The following PTPRU variants were observed in gnomAD, a reference collection of about 807,000 sequenced individuals.
PTPRU encodes protein tyrosine phosphatase receptor type U, also known as receptor-type tyrosine-protein phosphatase U.
Under a neutral mutation model 166.3 loss-of-function variants are expected in PTPRU, and 69 were observed. That is an observed-to-expected ratio of 0.41 (90% CI 0.34 to 0.51). The LOEUF (loss-of-function observed/expected upper bound fraction) is 0.51. PTPRU is among the 20% of genes least tolerant of loss of function. PTPRU has a pLI of 0.09. For synonymous variants in PTPRU, 793 were observed against 814.0 expected, an observed-to-expected ratio of 0.97 and a Z score of 0.44; for missense variants, 1,657 against 2,013.7, an observed-to-expected ratio of 0.82 and a Z score of 3.39.
rs747750799 is a variant in PTPRU at position 29,279,016 on chromosome 1, C to T, written c.1458C>T (p.Pro486=). The part of the protein sequence containing the change: ...EVTFQTDEDV[P]SGIAAESLTF... ...CCTGCTGCCTTTCCCTTGCAGTGCC[C>T]AGTGGGATTGCAGCCGAGTCCCTGA... The change falls in exon 9 of 30, where the codon CCC becomes CCT. Residue 486 remains proline (P), a synonymous_variant. Transcript: ENST00000373779. The surrounding 1 kb of genome is among the most constrained non-coding windows in gnomAD (Gnocchi z 5.2). 3 of 1,581,024 alleles carry T rather than the reference C, an allele frequency of 1.9e-6. No homozygotes were observed. The highest frequency in any genetic ancestry group is 2.6e-6 in the Non-Finnish European group (3 of 1,162,954).
chr1:29,246,733 C>T (rs560217894), intron 1 of PTPRU, among the ~76,000 whole-genome samples: 17 of 152,104 alleles, frequency 1.1e-4, no homozygotes, highest in Middle Eastern at 3.4e-3. Context: ...CTCCTGCCTC[C>T]GCCTCCTGAG....
chr1:29,317,984 AG>A lies in PTPRU; in HGVS notation c.3687+67del. 1.3e-6 allele frequency: 2 copies of A among 1,577,212 alleles called. No individual in the cohort carries two copies. Reference sequence around the variant, plus strand: ...TTCCCAGCAGCATCAGGGAAGGTCCAGGGGCCACGGGAACAAAGCTGAAGGC... The same window carrying A: ...TTCCCAGCAGCATCAGGGAAGGTCCAGGGCCACGGGAACAAAGCTGAAGGC... On this transcript the variant is annotated intron_variant, in intron 25 of 29. Coordinates refer to ENST00000373779, the MANE Select transcript of PTPRU (RefSeq NM_133178.4). The surrounding 1 kb of genome is among the most constrained non-coding windows in gnomAD (Gnocchi z 5.6).
chr1:29,260,329 C>A lies in PTPRU; in HGVS notation c.851-281C>A. On this transcript the variant is annotated intron_variant, in intron 6 of 29. Coordinates refer to ENST00000373779, the MANE Select transcript of PTPRU (RefSeq NM_133178.4). The surrounding 1 kb of genome is among the most constrained non-coding windows in gnomAD (Gnocchi z 8.3). ...GACTTCTGTGTTGATCCTAGCTGGC[C>A]TGCGGTCCGCTCCAGGAGGCGAGGA... 1 of 470,992 alleles carries A rather than the reference C, an allele frequency of 2.1e-6. No homozygotes were observed. Among genetic ancestry groups the A allele is most frequent in the Non-Finnish European group, 3.6e-6 (1 of 274,290 alleles). The allele number at this position is 470,992 out of a possible 1,614,324, so 29.2% of individuals were successfully genotyped here. A position where few individuals can be genotyped will look rare whatever the true frequency, so the allele number is the denominator to read the frequency against.
At chr1:29,273,745 A>G (rs1479044835) in intron 7 of PTPRU, among the ~76,000 whole-genome samples, 1 of 152,144 alleles carries the variant, frequency 6.6e-6, no homozygotes, top group Non-Finnish European at 1.5e-5. Flanking sequence ...TCTGGTCCAT[A>G]GAGTCATCAA....
In PTPRU at chr1:29,326,002, C is replaced by T. The variant is rs1295817845; in HGVS notation, c.*341C>T. 4.7e-6 allele frequency: 2 copies of T among 424,460 alleles called. No individual in the cohort carries two copies. Among genetic ancestry groups the T allele is most frequent in the Non-Finnish European group, 8.2e-6 (2 of 243,574 alleles). 26.3% of individuals were successfully genotyped at this position (424,460 alleles called of 1,614,324 possible). On this transcript the variant is annotated 3_prime_UTR_variant, in exon 30 of 30. Transcript: ENST00000373779. ...GGGACTCAGGCCAAGCCCCTTGGCA[C>T]CATCCTGGCTTTTGGCAGGGATGAG... is the stretch of plus-strand genomic sequence containing the variant.
At chr1:29,282,107 C>G (rs1367390482) in intron 11 of PTPRU, among the ~76,000 whole-genome samples, 1 of 152,160 alleles carries the variant, frequency 6.6e-6, no homozygotes, top group African/African-American at 2.4e-5. Flanking sequence ...GTTGGGTGTC[C>G]TTGTTTGCTA....
intron 17 of PTPRU, 91 bp downstream of exon 17, chr1:29,304,940 A>G: frequency 8.0e-7 from 1 of 1,244,304 alleles, no homozygotes; most frequent in South Asian, 1.4e-5. Context: ...GGGCAGCCTC[A>G]GAGATGATAG....
At position 29,315,211 on chromosome 1, in the gene PTPRU, G is replaced by T. The variant is rs1687842662; in HGVS notation, c.3228-161G>T. Among the ~76,000 whole-genome samples, 1 of 152,016 alleles carries T rather than the reference G, an allele frequency of 6.6e-6. No individual in the cohort carries two copies. The highest frequency in any genetic ancestry group is 1.5e-5 in the Non-Finnish European group (1 of 68,022). ...CATTTCACTAGAGCTCTTCCATCCA[G>T]CAGCCTGCGTCCTGGCTCCTTACTC... is the stretch of plus-strand genomic sequence containing the variant. On this transcript the variant is annotated intron_variant, in intron 22 of 29. Transcript: ENST00000373779. This position sits in a 1 kb window ranked among gnomAD's most constrained non-coding sequence, Gnocchi z 4.5.
At chr1:29,299,516 C>T (rs1161643649) in intron 15 of PTPRU, among the ~76,000 whole-genome samples, 2 of 152,162 alleles carry the variant, frequency 1.3e-5, no homozygotes, top group South Asian at 2.1e-4. Flanking sequence ...ATTTGTAGAA[C>T]ATCTTGTGTT....
At position 29,279,986 on chromosome 1, in the gene PTPRU, T is replaced by A; in HGVS notation, c.1766-53T>A. On this transcript the variant is annotated intron_variant, in intron 10 of 29. Coordinates refer to ENST00000373779, the MANE Select transcript of PTPRU (RefSeq NM_133178.4). This position sits in a 1 kb window ranked among gnomAD's most constrained non-coding sequence, Gnocchi z 5.2. The stretch of plus-strand genomic sequence containing the variant: ...GTGGTCAAGGAGGCTGGAAGCCTGG[T>A]CTTCCTGGTCCAGTGGCCAAGCTCC... 6.6e-7 allele frequency: 1 copy of A among 1,521,452 alleles called. No homozygotes were observed. The highest frequency in any genetic ancestry group is 9.1e-7 in the Non-Finnish European group (1 of 1,098,714). The allele number at this position is 1,521,452 out of a possible 1,614,324, so 94.2% of individuals were successfully genotyped here.
At chr1:29,318,606 C>A (rs949857335) in intron 25 of PTPRU, among the ~76,000 whole-genome samples, 3 of 152,218 alleles carry the variant, frequency 2.0e-5, no homozygotes, top group Non-Finnish European at 2.9e-5. Context: ...GGGTGGAGAT[C>A]ATATGTTATA....
rs761315904 is a variant in PTPRU at position 29,259,462 on chromosome 1, C to T, written c.573C>T (p.His191=). The T allele has an allele frequency of 2.5e-6, 4 of 1,611,586 alleles. No homozygotes were observed. The highest frequency in any genetic ancestry group is 3.4e-6 in the Non-Finnish European group (4 of 1,178,560). The change falls in exon 5 of 30, where the codon CAC becomes CAT. Residue 191 remains histidine, a synonymous_variant. Coordinates refer to ENST00000373779, the MANE Select transcript of PTPRU (RefSeq NM_133178.4). ...CTAACCCCGCAGCAAAGGCCCCACACTTCTCCCGCCTGGGCGACGTGGAGG... is the reference window on the plus strand; with the variant it reads ...CTAACCCCGCAGCAAAGGCCCCACATTTCTCCCGCCTGGGCGACGTGGAGG... The part of the protein sequence containing the change: ...LLSYPCAKAP[H]FSRLGDVEVN...
At chr1:29,277,876 T>C (rs944951237) in intron 8 of PTPRU, among the ~76,000 whole-genome samples, 8 of 130,514 alleles carry the variant, frequency 6.1e-5, no homozygotes, top group Middle Eastern at 9.8e-3. Context: ...TGGAGAGCAG[T>C]GGTGCAATCT....
chr1:29,310,638 C>T (rs1687610640), intron 18 of PTPRU, 106 bp from the exon 19 acceptor site: 7 of 1,232,680 alleles, frequency 5.7e-6, no homozygotes, highest in Middle Eastern at 1.9e-4. Flanking sequence ...GGAGCAGTTC[C>T]CTGGTGGGGT....
At position 29,289,759 on chromosome 1, in the gene PTPRU, G is replaced by A. The variant is rs369102650; in HGVS notation, c.2319-2110G>A. ...GGGAGTCCCCGGCCCTGCCTAGGGGGAGATCCCCTGTCCCCGCCTTCTCTG... is the reference window on the plus strand; with the variant it reads ...GGGAGTCCCCGGCCCTGCCTAGGGGAAGATCCCCTGTCCCCGCCTTCTCTG... On this transcript the variant is annotated intron_variant, in intron 14 of 29. Transcript: ENST00000373779. 6.1e-5 allele frequency: 97 copies of A among 1,598,480 alleles called. 1 individual carries two copies. The South Asian group carries it at 1.0e-3, about 17-fold the overall frequency.
In PTPRU at chr1:29,315,824, G is replaced by C. The variant is rs147249274; in HGVS notation, c.3364-178G>C. On this transcript the variant is annotated intron_variant, in intron 23 of 29. Coordinates refer to ENST00000373779, the MANE Select transcript of PTPRU (RefSeq NM_133178.4). This position sits in a 1 kb window ranked among gnomAD's most constrained non-coding sequence, Gnocchi z 4.5. ...GTTATAGGGGGTAGGGATGAAATAGGAGATAAAGGGGCATGTCCATGGAGG... is the reference window on the plus strand; with the variant it reads ...GTTATAGGGGGTAGGGATGAAATAGCAGATAAAGGGGCATGTCCATGGAGG... Among the ~76,000 whole-genome samples the C allele has an allele frequency of 1.3e-5, 2 of 152,308 alleles. No homozygotes were observed. Among genetic ancestry groups the C allele is most frequent in the Non-Finnish European group, 2.9e-5 (2 of 68,022 alleles).
At chr1:29,307,253 T>C (rs1687434773) in intron 18 of PTPRU, 2 of 1,413,366 alleles carry the variant, frequency 1.4e-6, no homozygotes, top group Admixed American at 1.8e-5. Context: ...TCTCTGTCTC[T>C]GTCCTTCCTT....
At chr1:29,259,776 T>A in intron 5 of PTPRU, 94 bp from the exon 6 acceptor site, 1 of 1,379,454 alleles carries the variant, frequency 7.2e-7, no homozygotes. Flanking sequence ...GTCCGCGCGG[T>A]GTAGTAGGGA....
rs572942830 is a variant in PTPRU, at chr1:29,239,355, C to T, written c.73+2638C>T. On this transcript the variant is annotated intron_variant, in intron 1 of 29. Transcript: ENST00000373779. Reference sequence around the variant, plus strand: ...GTTCTTGCTATTTTGTCCTTTTGGTCGCAGGAGTTGTGGACGGCAGGAATG... The same window carrying T: ...GTTCTTGCTATTTTGTCCTTTTGGTTGCAGGAGTTGTGGACGGCAGGAATG... Among the ~76,000 whole-genome samples the T allele has an allele frequency of 7.9e-5, 12 of 152,212 alleles. No individual in the cohort carries two copies. The East Asian group carries it at 1.9e-3, about 24-fold the overall frequency.
Sources: allele counts gnomAD v4.1 joint callset (sites outside exome capture counted in the v4.1 genomes callset), GRCh38; gene constraint gnomAD v4.1.1; non-coding constraint Gnocchi (gnomAD v3.1); transcripts MANE v1.5; gene names NCBI Gene and HGNC (gene_info 2026-07-23, HGNC 2026-07-21).